RALGPS2: variants seen among roughly 807,000 people sequenced by gnomAD.
RALGPS2 encodes ras-specific guanine nucleotide-releasing factor RalGPS2.
A neutral mutation model predicts 86.8 loss-of-function variants in RALGPS2; 43 were observed. The observed-to-expected ratio is 0.50, with a 90% CI of 0.39 to 0.64. The LOEUF (loss-of-function observed/expected upper bound fraction) is 0.64, where lower values mean the gene tolerates loss of function less well. Ranked by LOEUF, RALGPS2 falls within the 30% of genes least tolerant of loss-of-function variation. The pLI, the probability that RALGPS2 is intolerant of heterozygous loss-of-function variation, is 0.00. For missense variants in RALGPS2, 536 were observed against 694.6 expected, an observed-to-expected ratio of 0.77 and a Z score of 2.57; for synonymous variants, 243 against 231.3, an observed-to-expected ratio of 1.05 and a Z score of -0.46.
chr1:178,744,649 A>C (rs905336552), intron 1 of RALGPS2, among the ~76,000 whole-genome samples: 1 of 152,050 alleles, frequency 6.6e-6, no homozygotes, highest in African/African-American at 2.4e-5. Flanking sequence ...CCCCGTCTCT[A>C]CTAATAATAC....
intron 1 of RALGPS2, among the ~76,000 whole-genome samples, chr1:178,764,808 C>T (rs892586797): frequency 5.9e-5 from 9 of 152,046 alleles, no homozygotes; most frequent in African/African-American, 1.7e-4. Flanking sequence ...GCTCTGTGTC[C>T]CCACCCAAAT....
At chr1:178,727,754 A>G (rs1229538118) in intron 1 of RALGPS2, among the ~76,000 whole-genome samples, 1 of 152,178 alleles carries the variant, frequency 6.6e-6, no homozygotes, top group Non-Finnish European at 1.5e-5. Flanking sequence ...GACTCAGTTC[A>G]TTCTGCACAT....
intron 1 of RALGPS2, among the ~76,000 whole-genome samples, chr1:178,730,775 C>T (rs955460541): frequency 1.3e-5 from 2 of 151,154 alleles, no homozygotes; most frequent in African/African-American, 4.9e-5. Flanking sequence ...GATCTCGGCT[C>T]ACCACAACCT....
At chr1:178,843,698 A>C (rs191029277) in intron 8 of RALGPS2, among the ~76,000 whole-genome samples, 7 of 152,144 alleles carry the variant, frequency 4.6e-5, no homozygotes, top group Admixed American at 2.0e-4. Flanking sequence ...GGAAAAAAAA[A>C]CAGAAGGAAA....
At chr1:178,788,833 CTTTCTTTCTTTCTTTTCT>C (rs1384335626) in intron 4 of RALGPS2, among the ~76,000 whole-genome samples, 11 of 129,004 alleles carry the variant, frequency 8.5e-5, no homozygotes, top group African/African-American at 3.3e-4. Context: ...CTTTTGTTTT[CTTTCTTTCTTTCTTTTCT>C]TTTCTTTTCT....
At chr1:178,817,462 T>C (rs1348128601) in intron 6 of RALGPS2, among the ~76,000 whole-genome samples, 1 of 152,160 alleles carries the variant, frequency 6.6e-6, no homozygotes, top group East Asian at 1.9e-4. Flanking sequence ...CGTGTAGGTA[T>C]ATTTCTGTTC....
Position 178,836,108 on chromosome 1 carries a change from C to G in RALGPS2, c.607+2558C>G, listed in dbSNP as rs180707695. Among the ~76,000 whole-genome samples the G allele has an allele frequency of 1.5e-4, 23 of 152,250 alleles. No individual in the cohort carries two copies. In the Middle Eastern group the frequency reaches 0.01, roughly 68 times the overall value. ...AGCTGTGTACGTCTGTATATGTGCT[C>G]AGGTACATTCATGCACTCTCATGCA... On this transcript the variant is annotated intron_variant, in intron 8 of 19. Transcript: ENST00000367635.
At chr1:178,742,367 T>G (rs1651085096) in intron 1 of RALGPS2, among the ~76,000 whole-genome samples, 1 of 152,154 alleles carries the variant, frequency 6.6e-6, no homozygotes, top group African/African-American at 2.4e-5. Flanking sequence ...ATAAAGGATG[T>G]CATTACAAAA....
intron 9 of RALGPS2, among the ~76,000 whole-genome samples, chr1:178,878,357 T>G (rs924906675): frequency 1.3e-5 from 2 of 152,146 alleles, no homozygotes; most frequent in African/African-American, 2.4e-5. Flanking sequence ...TAAAGCTAAC[T>G]TTTGCTTCAT....
chr1:178,743,695 G>T (rs1238525324), intron 1 of RALGPS2, among the ~76,000 whole-genome samples: 1 of 152,124 alleles, frequency 6.6e-6, no homozygotes, highest in African/African-American at 2.4e-5. Flanking sequence ...GATATAAAAG[G>T]ATAACAGGAA....
intron 1 of RALGPS2, among the ~76,000 whole-genome samples, chr1:178,776,275 G>A (rs927481842): frequency 6.6e-6 from 1 of 152,126 alleles, no homozygotes; most frequent in Non-Finnish European, 1.5e-5. Context: ...GCTGTGATAA[G>A]CTTATTCAGT....
intron 3 of RALGPS2, 42 bp downstream of exon 3, chr1:178,784,564 T>TATG: frequency 6.9e-7 from 1 of 1,457,478 alleles, no homozygotes; most frequent in Non-Finnish European, 9.4e-7. Context: ...TGCACATAAT[T>TATG]TACATATTGG....
In RALGPS2 at chr1:178,918,587, C is replaced by T. The variant is rs1029453218; in HGVS notation, c.*2228C>T. On this transcript the variant is annotated 3_prime_UTR_variant, in exon 20 of 20. Transcript: ENST00000367635. The stretch of plus-strand genomic sequence containing the variant: ...TGGATGTTTGCGTAGAGTAAGATAG[C>T]GTTCAAATTTGGTTAATAGTTTATA... 8 of 151,998 alleles carry T rather than the reference C, an allele frequency of 5.3e-5. No homozygotes were observed. The highest frequency in any genetic ancestry group is 1.3e-4 in the Admixed American group (2 of 15,256). The allele number at this position is 151,998 out of a possible 1,614,324, so 9.4% of individuals were successfully genotyped here.
chr1:178,788,804 C>CTTTCTTTTCT (rs368472993), intron 4 of RALGPS2, among the ~76,000 whole-genome samples: 9 of 148,348 alleles, frequency 6.1e-5, no homozygotes, highest in African/African-American at 1.8e-4. Flanking sequence ...TCTTTTCTTT[C>CTTTCTTTTCT]TTTCTTTTCT....
chr1:178,860,758 G>A (rs1308545693), intron 8 of RALGPS2, among the ~76,000 whole-genome samples: 2 of 152,044 alleles, frequency 1.3e-5, no homozygotes, highest in Admixed American at 1.3e-4. Flanking sequence ...TTCACCTTAT[G>A]CATGTGGAGA....
chr1:178,856,450 G>T (rs1449145344), intron 8 of RALGPS2, among the ~76,000 whole-genome samples: 5 of 99,028 alleles, frequency 5.0e-5, no homozygotes, highest in African/African-American at 1.7e-4. Context: ...TTGGTACATT[G>T]CCCAGGGTGG....
intron 10 of RALGPS2, among the ~76,000 whole-genome samples, chr1:178,882,715 G>A (rs1659310710): frequency 6.6e-6 from 1 of 152,126 alleles, no homozygotes; most frequent in African/African-American, 2.4e-5. Context: ...AGCTTCCACT[G>A]ATAGAAATCA....
At chr1:178,895,814 T>G (rs1188062169) in intron 16 of RALGPS2, among the ~76,000 whole-genome samples, 1 of 151,978 alleles carries the variant, frequency 6.6e-6, no homozygotes, top group Non-Finnish European at 1.5e-5. Flanking sequence ...CAGTTTGATA[T>G]GCTTATTAAA....
chr1:178,910,812 T>C (rs1660592383), intron 19 of RALGPS2, among the ~76,000 whole-genome samples: 1 of 152,202 alleles, frequency 6.6e-6, no homozygotes, highest in Non-Finnish European at 1.5e-5. Context: ...TTCTCGATTT[T>C]TCGGAATATT....
Sources: allele counts gnomAD v4.1 joint callset (sites outside exome capture counted in the v4.1 genomes callset), GRCh38; gene constraint gnomAD v4.1.1; transcripts MANE v1.5; gene names NCBI Gene and HGNC (gene_info 2026-07-23, HGNC 2026-07-21).